Variants in GUF1 observed in about 807,000 individuals in gnomAD.
GUF1 encodes the protein translation factor GUF1, mitochondrial.
Under a neutral mutation model 82.4 loss-of-function variants are expected in GUF1, and 78 were observed. That is an observed-to-expected ratio of 0.95 (90% CI 0.79 to 1.14). The LOEUF (loss-of-function observed/expected upper bound fraction) is 1.14, where lower values mean the gene tolerates loss of function less well. Ranked by LOEUF, GUF1 falls within the 50% of genes most tolerant of loss-of-function variation. The pLI, the probability that GUF1 is intolerant of heterozygous loss-of-function variation, is 0.00. For missense variants in GUF1, 814 were observed against 798.2 expected (o/e 1.02, Z -0.24); for synonymous variants, 279 against 282.3 (o/e 0.99, Z 0.12).
intron 8 of GUF1, among the ~76,000 whole-genome samples, chr4:44,687,220 C>T (rs1015333286): frequency 2.0e-5 from 3 of 151,892 alleles, no homozygotes; most frequent in Non-Finnish European, 4.4e-5. Flanking sequence ...GTGCCTACTC[C>T]GTATCAGGTA....
In GUF1 at chr4:44,678,576, G is replaced by A; in HGVS notation, c.-47G>A. On this transcript the variant is annotated 5_prime_UTR_variant, in exon 1 of 17. Transcript: ENST00000281543. Reference sequence around the variant, plus strand: ...CCTTCGAAAAAAAACGGGCTATGCTGCTGTTGCGTGTGGGTACCCTCTCCT... The same window carrying A: ...CCTTCGAAAAAAAACGGGCTATGCTACTGTTGCGTGTGGGTACCCTCTCCT... 7.1e-7 allele frequency: 1 copy of A among 1,412,644 alleles called. No homozygotes were observed. Among genetic ancestry groups the A allele is most frequent in the African/African-American group, 1.5e-5 (1 of 66,616 alleles). The allele number at this position is 1,412,644 out of a possible 1,614,324, so 87.5% of individuals were successfully genotyped here.
rs1159464477 is a variant in GUF1 at position 44,690,659 on chromosome 4, G to A, written c.1336-58G>A. Reference sequence around the variant, plus strand: ...GGATTTTAAAATATAAGGCAAACAAGAAAAATGATAATCATTATATTAAGA... The same window carrying A: ...GGATTTTAAAATATAAGGCAAACAAAAAAAATGATAATCATTATATTAAGA... On this transcript the variant is annotated intron_variant, in intron 11 of 16. Transcript: ENST00000281543. 3.9e-6 allele frequency: 4 copies of A among 1,035,860 alleles called. No individual in the cohort carries two copies. In the African/African-American group the frequency reaches 4.9e-5, roughly 13 times the overall value. The allele number at this position is 1,035,860 out of a possible 1,614,324, so 64.2% of individuals were successfully genotyped here.
rs368954841 is a variant in GUF1 at position 44,689,840 on chromosome 4, C to G, written c.1203-3C>G. On this transcript the variant is annotated splice_region_variant and splice_polypyrimidine_tract_variant and intron_variant, in intron 10 of 16. Coordinates refer to ENST00000281543, the MANE Select transcript of GUF1 (RefSeq NM_021927.3). ...TTTTGGAGTTTGTCTTTTCCTCCCC[C>G]AGGCTAGGATTTCTTGGACTTTTGC... is the stretch of plus-strand genomic sequence containing the variant. 75 of 1,594,666 alleles carry G rather than the reference C, an allele frequency of 4.7e-5. No homozygotes were observed. The highest frequency in any genetic ancestry group is 6.0e-5 in the Non-Finnish European group (70 of 1,168,370).
At chr4:44,680,975 G>A in intron 3 of GUF1, 133 bp downstream of exon 3, 5 of 1,062,388 alleles carry the variant, frequency 4.7e-6, no homozygotes, top group Non-Finnish European at 7.0e-6. Flanking sequence ...GTGTTCTTAT[G>A]TTAGTGTCAG....
Position 44,698,525 on chromosome 4 carries a change from GT to G in GUF1, c.1873-15del, listed in dbSNP as rs899902575. The G allele has an allele frequency of 6.4e-7, 1 of 1,569,930 alleles. No homozygotes were observed. The highest frequency in any genetic ancestry group is 2.0e-5 in the Admixed American group (1 of 49,824). ...CTTTAGAGTGACTTAGACTTCCAAT[GT>G]TTTAAAATATTTTTCAGTATGGTGG... On this transcript the variant is annotated intron_variant, in intron 16 of 16. Transcript: ENST00000281543.
chr4:44,692,532 A>G (rs1232833068), intron 13 of GUF1, among the ~76,000 whole-genome samples: 1 of 151,972 alleles, frequency 6.6e-6, no homozygotes, highest in African/African-American at 2.4e-5. Flanking sequence ...GAGGGGAAAA[A>G]TGAACATTGA....
chr4:44,678,622 C>A lies in GUF1; in HGVS notation c.-1C>A, dbSNP rs1290093486. ...CTCCTGACGCCTCCGCCGCCCGGGTCATGTGGACCCTCGTGGGTCGGGGCT... is the reference window on the plus strand; with the variant it reads ...CTCCTGACGCCTCCGCCGCCCGGGTAATGTGGACCCTCGTGGGTCGGGGCT... On this transcript the variant is annotated 5_prime_UTR_variant, in exon 1 of 17. Transcript: ENST00000281543. 6.9e-7 allele frequency: 1 copy of A among 1,455,912 alleles called. No individual in the cohort carries two copies. 90.2% of individuals were successfully genotyped at this position (1,455,912 alleles called of 1,614,324 possible).
rs370862959 is a variant in GUF1, at chr4:44,695,734, C to T, written c.1835C>T (p.Thr612Ile). Residue 612 changes from threonine to isoleucine, a missense_variant and splice_region_variant, in exon 15 of 17, where the codon ACT becomes ATT. Coordinates refer to ENST00000281543, the MANE Select transcript of GUF1 (RefSeq NM_021927.3). ...GGAAGTAAAATCATTGCAAGAGAAA[C>T]GTGAGTTGAAATTCATTTTTGGTCT... Reference protein sequence around the residue: ...AIGSKIIARETVKAYRKNVLA... With the variant: ...AIGSKIIAREIVKAYRKNVLA... 1.2e-5 allele frequency: 20 copies of T among 1,607,558 alleles called. No homozygotes were observed. The East Asian group carries it at 2.0e-4, about 16-fold the overall frequency.
Position 44,690,872 on chromosome 4 carries a change from AT to A in GUF1, c.1479+13del, listed in dbSNP as rs769233203. ...TGATGCTTTGCGAGGTATAACTATA[AT>A]ACAATTTAATACAAAATTAGGTTTT... is the stretch of plus-strand genomic sequence containing the variant. On this transcript the variant is annotated intron_variant, in intron 12 of 16. Transcript: ENST00000281543. 6.4e-7 allele frequency: 1 copy of A among 1,558,192 alleles called. No homozygotes were observed. Among genetic ancestry groups the A allele is most frequent in the South Asian group, 1.2e-5 (1 of 82,696 alleles).
Position 44,697,429 on chromosome 4 carries a change from C to G in GUF1, c.1857C>G (p.Asn619Lys). Residue 619 changes from asparagine to lysine, a missense_variant, in exon 16 of 17, where the codon AAC (asparagine) becomes AAG (lysine). Asn to Lys is a moderately conservative substitution (Grantham distance 94). Transcript: ENST00000281543. ...ACAGTGTGAAAGCCTATAGGAAAAA[C>G]GTTTTGGCAAAATGTGTATGTATCT... The part of the protein sequence containing the change: ...ARETVKAYRK[N>K]VLAKCYGGDI... 1 of 1,561,246 alleles carries G rather than the reference C, an allele frequency of 6.4e-7. No homozygotes were observed. The highest frequency in any genetic ancestry group is 2.3e-5 in the East Asian group (1 of 42,984).
At chr4:44,680,153 C>A (rs1330934718) in intron 1 of GUF1, among the ~76,000 whole-genome samples, 3 of 152,042 alleles carry the variant, frequency 2.0e-5, no homozygotes, top group Admixed American at 2.0e-4. Context: ...CTAGGTGTCT[C>A]ATGTTCTCCA....
At chr4:44,695,284 G>A (rs1715733312) in intron 14 of GUF1, among the ~76,000 whole-genome samples, 1 of 152,070 alleles carries the variant, frequency 6.6e-6, no homozygotes, top group African/African-American at 2.4e-5. Context: ...CGTAAACACT[G>A]ATCATACAAA....
Position 44,678,556 on chromosome 4 carries a change from G to GAA in GUF1, c.-60_-59dup. On this transcript the variant is annotated 5_prime_UTR_variant, in exon 1 of 17. Transcript: ENST00000281543. Reference sequence around the variant, plus strand: ...ACCGGATCCTACGGGGGGTACCTTCGAAAAAAAACGGGCTATGCTGCTGTT... The same window carrying GAA: ...ACCGGATCCTACGGGGGGTACCTTCGAAAAAAAAAACGGGCTATGCTGCTGTT... 1 of 1,308,540 alleles carries GAA rather than the reference G, an allele frequency of 7.6e-7. No homozygotes were observed. The highest frequency in any genetic ancestry group is 1.0e-6 in the Non-Finnish European group (1 of 1,003,004). The allele number at this position is 1,308,540 out of a possible 1,614,324, so 81.1% of individuals were successfully genotyped here.
rs1226186112 is a variant in GUF1, at chr4:44,689,845, T to C, written c.1205T>C (p.Leu402Pro). ...GAGTTTGTCTTTTCCTCCCCCAGGC[T>C]AGGATTTCTTGGACTTTTGCACATG... Reference protein sequence around the residue: ...SSLALGAGWRLGFLGLLHMEV... With the variant: ...SSLALGAGWRPGFLGLLHMEV... Residue 402 changes from leucine to proline, a missense_variant and splice_region_variant, in exon 11 of 17, where the codon CTA becomes CCA. Transcript: ENST00000281543. The C allele has an allele frequency of 1.3e-6, 2 of 1,598,678 alleles. No homozygotes were observed. The highest frequency in any genetic ancestry group is 1.7e-5 in the Admixed American group (1 of 59,418).
intron 6 of GUF1, among the ~76,000 whole-genome samples, chr4:44,684,054 C>A (rs557293403): frequency 1.3e-5 from 2 of 151,952 alleles, no homozygotes; most frequent in South Asian, 4.2e-4. Flanking sequence ...TGGTATATGC[C>A]AGCTAAGAGT....
chr4:44,696,018 A>C (rs964013877), intron 15 of GUF1, among the ~76,000 whole-genome samples: 3 of 152,162 alleles, frequency 2.0e-5, no homozygotes, highest in Non-Finnish European at 4.4e-5. Flanking sequence ...TTTCCTGGGT[A>C]AGGAATTTCT....
rs1467460624 is a variant in GUF1 at position 44,678,758 on chromosome 4, G to A, written c.136G>A (p.Asp46Asn). The change falls in exon 1 of 17, where the codon GAC becomes AAC. Residue 46 changes from aspartate (D) to asparagine (N), a missense_variant. Physicochemically the swap from Asp to Asn is conservative, Grantham distance 23 (BLOSUM62 1). Transcript: ENST00000281543. Reference sequence around the variant, plus strand: ...GGCTGCTCCAGAGTCCTGGGCTACCGACAGGCTCTACAGCTCCGCAGAATT... The same window carrying A: ...GGCTGCTCCAGAGTCCTGGGCTACCAACAGGCTCTACAGCTCCGCAGAATT... ...LGAAPESWATDRLYSSAEFKE... is the reference protein window; with the variant it reads ...LGAAPESWATNRLYSSAEFKE... 1.9e-6 allele frequency: 3 copies of A among 1,551,730 alleles called. No homozygotes were observed. Among genetic ancestry groups the A allele is most frequent in the Admixed American group, 2.1e-5 (1 of 47,820 alleles).
chr4:44,697,578 A>T (rs1002284205), intron 16 of GUF1, 134 bp downstream of exon 16: 2 of 434,320 alleles, frequency 4.6e-6, no homozygotes, highest in African/African-American at 2.0e-5. Context: ...GAATAGGTAA[A>T]TTTCAGCTTG....
intron 6 of GUF1, among the ~76,000 whole-genome samples, chr4:44,684,786 G>C (rs1486237087): frequency 6.6e-6 from 1 of 152,118 alleles, no homozygotes; most frequent in African/African-American, 2.4e-5. Flanking sequence ...TTTAAAATCT[G>C]CATTGCATTA....
Sources: gnomAD v4.1 joint callset for allele counts (sites outside exome capture counted in the v4.1 genomes callset) on GRCh38, gnomAD v4.1.1 for gene constraint, MANE v1.5 for transcripts, NCBI Gene and HGNC (gene_info 2026-07-23, HGNC 2026-07-21) for gene names.